The following IL19 variants were observed in gnomAD, a reference collection of about 807,000 sequenced individuals.
The protein encoded by IL19 is interleukin-19.
In IL19, 15 loss-of-function variants were observed where a neutral mutation model predicts 19.5. That is an observed-to-expected ratio of 0.77 (90% CI 0.52 to 1.19). IL19 has a LOEUF of 1.19. Ranked by LOEUF, IL19 falls within the 50% of genes most tolerant of loss-of-function variation. The pLI is 0.00. For missense variants in IL19, 199 were observed against 213.1 expected, an observed-to-expected ratio of 0.93 and a Z score of 0.41; for synonymous variants, 78 against 78.3, an observed-to-expected ratio of 1.00 and a Z score of 0.02.
chr1:206,800,643 A>G (rs1675657385), intron 2 of IL19, among the ~76,000 whole-genome samples: 1 of 152,222 alleles, frequency 6.6e-6, no homozygotes. Flanking sequence ...GACAGGAATG[A>G]TGGTGATCAA....
intron 2 of IL19, among the ~76,000 whole-genome samples, chr1:206,811,249 T>C (rs1176021120): frequency 1.3e-5 from 2 of 151,864 alleles, no homozygotes; most frequent in East Asian, 1.9e-4. Context: ...ATCTGAACTA[T>C]ATAAAAAGTT....
intron 1 of IL19, among the ~76,000 whole-genome samples, chr1:206,775,604 T>A: frequency 6.6e-6 from 1 of 152,218 alleles, no homozygotes; most frequent in East Asian, 1.9e-4. Flanking sequence ...AACATTTGAA[T>A]AAAGACCCTG....
chr1:206,788,461 A>G (rs1675316248), intron 1 of IL19, among the ~76,000 whole-genome samples: 1 of 152,220 alleles, frequency 6.6e-6, no homozygotes, highest in African/African-American at 2.4e-5. Flanking sequence ...AAGTCTCCTG[A>G]TAATCAGTTC....
At chr1:206,840,216 C>T in intron 5 of IL19, 1 of 696,782 alleles carries the variant, frequency 1.4e-6, no homozygotes. Context: ...TGGTCTCCTC[C>T]TAGATAACCC....
chr1:206,809,598 A>G (rs1675947999), intron 2 of IL19, among the ~76,000 whole-genome samples: 1 of 152,216 alleles, frequency 6.6e-6, no homozygotes, highest in Non-Finnish European at 1.5e-5. Context: ...AGTTTTAGGA[A>G]AACCACCAGA....
In IL19 at chr1:206,842,712, G is replaced by C. The variant is rs1403100961; in HGVS notation, c.*90G>C. 1 of 755,334 alleles carries C rather than the reference G, an allele frequency of 1.3e-6. No homozygotes were observed. The highest frequency in any genetic ancestry group is 2.8e-5 in the East Asian group (1 of 36,054). 46.8% of individuals were successfully genotyped at this position (755,334 alleles called of 1,614,324 possible). A position where few individuals can be genotyped will look rare whatever the true frequency, so the allele number is the denominator to read the frequency against. ...GCCCACCTTGAAGGGGAAGGAGATG[G>C]GGAAGGCCCCTTGCAGCTGAAAGTC... On this transcript the variant is annotated 3_prime_UTR_variant, in exon 7 of 7. Transcript: ENST00000659997.
chr1:206,827,092 G>T (rs1441839022), intron 2 of IL19, among the ~76,000 whole-genome samples: 1 of 152,082 alleles, frequency 6.6e-6, no homozygotes, highest in Non-Finnish European at 1.5e-5. Context: ...TGTTATGAAA[G>T]AATTAAATCT....
At chr1:206,807,173 G>C (rs1183390971) in intron 2 of IL19, among the ~76,000 whole-genome samples, 1 of 152,120 alleles carries the variant, frequency 6.6e-6, no homozygotes, top group Admixed American at 6.5e-5. Flanking sequence ...ACAGCAGCAT[G>C]GGGGTAACTG....
chr1:206,820,603 A>T (rs1676268318), intron 2 of IL19, among the ~76,000 whole-genome samples: 1 of 152,254 alleles, frequency 6.6e-6, no homozygotes, highest in South Asian at 2.1e-4. Flanking sequence ...AAAGCAAACC[A>T]TCCCACAACA....
At chr1:206,818,484 C>T (rs1676217708) in intron 2 of IL19, among the ~76,000 whole-genome samples, 1 of 152,150 alleles carries the variant, frequency 6.6e-6, no homozygotes, top group Non-Finnish European at 1.5e-5. Flanking sequence ...TACTAGAAAA[C>T]CCAAATTAGT....
At chr1:206,792,935 C>T (rs1052252634) in intron 1 of IL19, among the ~76,000 whole-genome samples, 2 of 152,202 alleles carry the variant, frequency 1.3e-5, no homozygotes, top group African/African-American at 4.8e-5. Context: ...AACTAATTGG[C>T]ATATAATTAG....
chr1:206,799,792 G>A (rs1471841330), intron 2 of IL19, among the ~76,000 whole-genome samples: 1 of 152,168 alleles, frequency 6.6e-6, no homozygotes, highest in Admixed American at 6.5e-5. Flanking sequence ...CATCATCAAT[G>A]GTGTCCCAAG....
chr1:206,834,298 G>A (rs1031631461), intron 2 of IL19: 1 of 985,568 alleles, frequency 1.0e-6, no homozygotes. Flanking sequence ...AACCTTGACA[G>A]CATTTCCTCT....
At chr1:206,795,923 ATATATGTG>A (rs760539754) in intron 1 of IL19, among the ~76,000 whole-genome samples, 110 of 109,172 alleles carry the variant, frequency 1.0e-3, no homozygotes, top group African/African-American at 3.8e-3. Context: ...ATATAAATAT[ATATATGTG>A]TGTGTGTGTG....
chr1:206,787,483 T>C (rs1452467207), intron 1 of IL19, among the ~76,000 whole-genome samples: 1 of 152,224 alleles, frequency 6.6e-6, no homozygotes, highest in Non-Finnish European at 1.5e-5. Context: ...TCTAGCTTGG[T>C]GTGAATATTT....
chr1:206,805,073 A>T (rs1345499757), intron 2 of IL19, among the ~76,000 whole-genome samples: 2 of 152,146 alleles, frequency 1.3e-5, no homozygotes, highest in African/African-American at 4.8e-5. Context: ...TCTAGAGTAC[A>T]CACCTGTATC....
chr1:206,827,518 G>C (rs931650226), intron 2 of IL19, among the ~76,000 whole-genome samples: 1 of 151,920 alleles, frequency 6.6e-6, no homozygotes, highest in Non-Finnish European at 1.5e-5. Flanking sequence ...GTGAAACCCC[G>C]TCTCTACTAA....
At chr1:206,822,097 G>A (rs1278034249) in intron 2 of IL19, among the ~76,000 whole-genome samples, 1 of 152,192 alleles carries the variant, frequency 6.6e-6, no homozygotes, top group Non-Finnish European at 1.5e-5. Context: ...GGAAAACTGG[G>A]GGTTCTGGGC....
At chr1:206,824,865 C>G (rs370523344) in intron 2 of IL19, among the ~76,000 whole-genome samples, 2 of 152,168 alleles carry the variant, frequency 1.3e-5, no homozygotes, top group African/African-American at 4.8e-5. Context: ...TGGGTTCAAG[C>G]GATTATCCTG....
Sources: allele counts gnomAD v4.1 joint callset (sites outside exome capture counted in the v4.1 genomes callset), GRCh38; gene constraint gnomAD v4.1.1; transcripts MANE v1.5; gene names NCBI Gene and HGNC (gene_info 2026-07-23, HGNC 2026-07-21).